Variants in OXR1 observed in about 807,000 individuals in gnomAD.
The protein encoded by OXR1 is oxidation resistance protein 1.
In OXR1, 41 loss-of-function variants were observed where a neutral mutation model predicts 104.6. The ratio of observed to expected loss-of-function variants is 0.39; its 90% CI spans 0.31 to 0.51. The LOEUF is 0.51. Among genes scored for constraint, OXR1 ranks in the 20% least tolerant of loss-of-function variants. The probability of loss-of-function intolerance (pLI) is 0.77; values close to 1 mark genes in which losing one functional copy is unlikely to be tolerated. For synonymous variants in OXR1, 348 were observed against 348.4 expected (o/e 1.00, Z 0.01); for missense variants, 955 against 1,031.9 (o/e 0.93, Z 1.02).
intron 3 of OXR1, among the ~76,000 whole-genome samples, chr8:106,596,602 C>T (rs184446614): frequency 2.6e-5 from 4 of 152,216 alleles, no homozygotes; most frequent in Non-Finnish European, 5.9e-5. Flanking sequence ...AGAGGGTGTA[C>T]ACATTGTATT....
At chr8:106,484,867 A>G (rs1249907048) in intron 2 of OXR1, among the ~76,000 whole-genome samples, 1 of 152,114 alleles carries the variant, frequency 6.6e-6, no homozygotes, top group African/African-American at 2.4e-5. Flanking sequence ...TCTCACAGAA[A>G]CCTACCTACT....
chr8:106,609,536 T>A (rs538757497), intron 3 of OXR1, among the ~76,000 whole-genome samples: 1 of 152,312 alleles, frequency 6.6e-6, no homozygotes, highest in East Asian at 1.9e-4. Context: ...TCTACATAGG[T>A]CTTAGGTTTT....
intron 10 of OXR1, 28 bp from the exon 11 acceptor site, chr8:106,713,795 G>C (rs371226223): frequency 1.4e-6 from 2 of 1,405,624 alleles, no homozygotes; most frequent in African/African-American, 3.0e-5. Flanking sequence ...AGAATACTAG[G>C]TATATTAATA....
chr8:106,662,839 GGATGATGATGATGATGATGAT>G (rs5893799), intron 3 of OXR1, among the ~76,000 whole-genome samples: 1 of 149,002 alleles, frequency 6.7e-6, no homozygotes, highest in Non-Finnish European at 1.5e-5. Flanking sequence ...TCAGTAAATG[GGATGATGATGATGATGATGAT>G]GATGATGATG....
At chr8:106,300,465 A>G (rs1813184104) in intron 1 of OXR1, among the ~76,000 whole-genome samples, 1 of 151,762 alleles carries the variant, frequency 6.6e-6, no homozygotes, top group African/African-American at 2.4e-5. Flanking sequence ...TCTCATGTTG[A>G]TTTCTATATT....
chr8:106,688,174 T>TA (rs1828928570), intron 6 of OXR1, among the ~76,000 whole-genome samples: 1 of 152,148 alleles, frequency 6.6e-6, no homozygotes, highest in Non-Finnish European at 1.5e-5. Flanking sequence ...GTAAAACTGT[T>TA]AATGTGTTAT....
At chr8:106,442,901 T>A (rs969307374) in intron 2 of OXR1, among the ~76,000 whole-genome samples, 1 of 152,098 alleles carries the variant, frequency 6.6e-6, no homozygotes, top group Non-Finnish European at 1.5e-5. Context: ...TTTTCATGTC[T>A]CTATCTTCTT....
At chr8:106,274,769 GT>G (rs983354141) in intron 1 of OXR1, among the ~76,000 whole-genome samples, 1 of 152,120 alleles carries the variant, frequency 6.6e-6, no homozygotes, top group African/African-American at 2.4e-5. Context: ...TACTGAATTG[GT>G]TTGTTCAATT....
At chr8:106,339,481 G>A (rs1459058163) in intron 1 of OXR1, among the ~76,000 whole-genome samples, 8 of 95,010 alleles carry the variant, frequency 8.4e-5, no homozygotes, top group Non-Finnish European at 1.1e-4. Context: ...GGAACAGAGC[G>A]AGACTCCATC....
intron 16 of OXR1, among the ~76,000 whole-genome samples, chr8:106,749,342 C>CAA (rs1255701170): frequency 6.3e-4 from 53 of 84,336 alleles, no homozygotes; most frequent in Admixed American, 1.3e-3. Flanking sequence ...GACTCTGTCT[C>CAA]AAAAAAAAAA....
At chr8:106,707,734 G>C (rs1048577082) in intron 9 of OXR1, 1 of 154,958 alleles carries the variant, frequency 6.5e-6, no homozygotes, top group Admixed American at 6.5e-5. Context: ...ACTATTTTCA[G>C]TCTTTTATTT....
chr8:106,331,879 A>G (rs1814726714), intron 1 of OXR1, among the ~76,000 whole-genome samples: 1 of 151,998 alleles, frequency 6.6e-6, no homozygotes, highest in African/African-American at 2.4e-5. Context: ...CAGAGGTTGT[A>G]GTGAGACAAG....
intron 7 of OXR1, among the ~76,000 whole-genome samples, chr8:106,701,719 C>T (rs570508977): frequency 6.6e-6 from 1 of 152,112 alleles, no homozygotes; most frequent in South Asian, 2.1e-4. Context: ...ACTTCAAATC[C>T]TAGCTGTTTA....
chr8:106,513,148 A>G (rs1054551038), intron 2 of OXR1, among the ~76,000 whole-genome samples: 2 of 152,164 alleles, frequency 1.3e-5, no homozygotes, highest in African/African-American at 2.4e-5. Flanking sequence ...ATTCTGTTAA[A>G]ATTAGTGAGT....
At chr8:106,695,548 G>T (rs1829928603) in intron 7 of OXR1, among the ~76,000 whole-genome samples, 1 of 151,722 alleles carries the variant, frequency 6.6e-6, no homozygotes, top group African/African-American at 2.4e-5. Flanking sequence ...CTCCTGAGTA[G>T]CTGGGACTAC....
At chr8:106,352,959 C>A (rs897745778) in intron 1 of OXR1, among the ~76,000 whole-genome samples, 1 of 152,056 alleles carries the variant, frequency 6.6e-6, no homozygotes, top group African/African-American at 2.4e-5. Flanking sequence ...GGCAGAACCC[C>A]CTCTTTTAAA....
At chr8:106,714,644 C>T (rs1274192257) in intron 11 of OXR1, among the ~76,000 whole-genome samples, 1 of 152,048 alleles carries the variant, frequency 6.6e-6, no homozygotes, top group Admixed American at 6.6e-5. Flanking sequence ...CTTTTACATG[C>T]TTTGTCTTAT....
rs181523881 is a variant in OXR1 at position 106,458,432 on chromosome 8, G to T, written c.24-60511G>T. Reference sequence around the variant, plus strand: ...TTCTACAGACATGCAGATTACAAGAGCTGTGGAAGTTTGGCTCCCTCCACC... The same window carrying T: ...TTCTACAGACATGCAGATTACAAGATCTGTGGAAGTTTGGCTCCCTCCACC... On this transcript the variant is annotated intron_variant, in intron 2 of 16. Coordinates refer to ENST00000517566, the MANE Select transcript of OXR1 (RefSeq NM_001198533.2). Among the ~76,000 whole-genome samples, 45 of 152,272 alleles carry T rather than the reference G, an allele frequency of 3.0e-4. 1 individual carries two copies. The East Asian group carries it at 8.1e-3, about 27-fold the overall frequency.
At chr8:106,460,301 C>A (rs561299087) in intron 2 of OXR1, among the ~76,000 whole-genome samples, 1 of 152,256 alleles carries the variant, frequency 6.6e-6, no homozygotes, top group East Asian at 1.9e-4. Flanking sequence ...TTAAAAGCTG[C>A]CTTTGTCAGT....
Sources: gnomAD v4.1 joint callset for allele counts (sites outside exome capture counted in the v4.1 genomes callset) on GRCh38, gnomAD v4.1.1 for gene constraint, MANE v1.5 for transcripts, NCBI Gene and HGNC (gene_info 2026-07-23, HGNC 2026-07-21) for gene names.